Variants in SHISA9 observed in about 807,000 individuals in gnomAD.
SHISA9 encodes the protein shisa family member 9, also known as protein shisa-9.
Under a neutral mutation model 38.0 loss-of-function variants are expected in SHISA9, and 13 were observed. The ratio of observed to expected loss-of-function variants is 0.34; its 90% confidence interval spans 0.22 to 0.54. The LOEUF (loss-of-function observed/expected upper bound fraction) is 0.54, where lower values mean the gene tolerates loss of function less well. Ranked by LOEUF, SHISA9 falls within the 20% of genes least tolerant of loss-of-function variation. SHISA9 has a pLI of 0.91. For synonymous variants in SHISA9, 275 were observed against 242.0 expected (o/e 1.14, Z -1.27); for missense variants, 538 against 575.8 (o/e 0.93, Z 0.67).
chr16:12,903,217 C>G (rs3843708), intron 1 of SHISA9, among the ~76,000 whole-genome samples: 138,100 of 152,240 alleles, frequency 0.91, 62,886 homozygotes, highest in East Asian at 1. Flanking sequence ...AGAGCTTCGC[C>G]GTCCCTGGAT....
At chr16:13,063,234 C>T (rs2073396784) in intron 2 of SHISA9, among the ~76,000 whole-genome samples, 1 of 152,068 alleles carries the variant, frequency 6.6e-6, no homozygotes, top group Non-Finnish European at 1.5e-5. Context: ...TCTTGATCTC[C>T]TGACCTCGTG....
chr16:13,390,195 C>G, the SHISA9 span, among the ~76,000 whole-genome samples: 3 of 151,688 alleles, frequency 2.0e-5, no homozygotes, highest in Non-Finnish European at 4.4e-5. Context: ...TATAAGATAC[C>G]AGGTGCACCA....
At chr16:13,458,584 C>A in the SHISA9 span, 19 of 402,828 alleles carry the variant, frequency 4.7e-5, no homozygotes, top group South Asian at 3.0e-4. Context: ...GAAAGAGATA[C>A]CCAGACTTAG....
At chr16:13,190,393 A>T (rs1482241575) in intron 2 of SHISA9, among the ~76,000 whole-genome samples, 1 of 152,170 alleles carries the variant, frequency 6.6e-6, no homozygotes, top group Non-Finnish European at 1.5e-5. Flanking sequence ...GACGTTAGGG[A>T]TGTTCTGTTT....
the SHISA9 span, among the ~76,000 whole-genome samples, chr16:13,276,276 C>CAT: frequency 3.6e-4 from 55 of 150,872 alleles, no homozygotes; most frequent in Admixed American, 9.9e-4. Flanking sequence ...AGTATTCCAT[C>CAT]ATATATATAT....
rs1195801876 is a variant in SHISA9, at chr16:13,220,289, T to C, written c.895+6989T>C. Among the ~76,000 whole-genome samples the C allele has an allele frequency of 2.6e-5, 4 of 152,270 alleles. No individual in the cohort carries two copies. In the East Asian group the frequency reaches 7.7e-4, roughly 29 times the overall value. On this transcript the variant is annotated intron_variant, in intron 4 of 4. Transcript: ENST00000558583. ...ACTTGGGTGACTTGACTCTGCTCCA[T>C]GTGCCTCATCCTCAAATAAGGCAGC...
intron 2 of SHISA9, among the ~76,000 whole-genome samples, chr16:13,151,653 C>T (rs1482005889): frequency 1.3e-5 from 2 of 152,156 alleles, no homozygotes; most frequent in African/African-American, 2.4e-5. Flanking sequence ...AAACTCTTTA[C>T]AAGCTCTTGA....
intron 2 of SHISA9, 89 bp from the exon 3 acceptor site, chr16:13,203,305 G>C (rs2051024053): frequency 3.1e-6 from 4 of 1,281,780 alleles, no homozygotes; most frequent in Non-Finnish European, 4.0e-6. Context: ...GGTGGGGAGA[G>C]TTTTGGTCTC....
chr16:13,319,141 G>A, the SHISA9 span, among the ~76,000 whole-genome samples: 1 of 152,186 alleles, frequency 6.6e-6, no homozygotes, highest in Non-Finnish European at 1.5e-5. Context: ...CCGAGTAGCT[G>A]GGACTACAGG....
At chr16:13,097,660 T>G (rs2073841082) in intron 2 of SHISA9, among the ~76,000 whole-genome samples, 1 of 152,146 alleles carries the variant, frequency 6.6e-6, no homozygotes, top group Non-Finnish European at 1.5e-5. Flanking sequence ...TGCCTTGGCC[T>G]CCCAAAGTGC....
the SHISA9 span, among the ~76,000 whole-genome samples, chr16:13,414,679 C>T: frequency 1.2e-4 from 15 of 129,360 alleles, no homozygotes; most frequent in African/African-American, 4.3e-4. Context: ...GAGTGTTGCC[C>T]TCTTGCCCAG....
the SHISA9 span, among the ~76,000 whole-genome samples, chr16:13,526,831 T>TG: frequency 6.6e-6 from 1 of 152,192 alleles, no homozygotes; most frequent in Admixed American, 6.5e-5. Flanking sequence ...AACGTAAGTA[T>TG]TTTTAGAGCA....
the SHISA9 span, among the ~76,000 whole-genome samples, chr16:13,286,724 A>ATTT: frequency 6.6e-6 from 1 of 152,218 alleles, no homozygotes; most frequent in Non-Finnish European, 1.5e-5. Flanking sequence ...CTAGGACAGC[A>ATTT]GACATCCATA....
At chr16:13,196,187 G>A (rs2050938778) in intron 2 of SHISA9, among the ~76,000 whole-genome samples, 1 of 149,650 alleles carries the variant, frequency 6.7e-6, no homozygotes, top group Non-Finnish European at 1.5e-5. Context: ...CACGAGGTCA[G>A]GAGATTGAGA....
At chr16:13,260,530 G>A in the SHISA9 span, among the ~76,000 whole-genome samples, 2 of 152,044 alleles carry the variant, frequency 1.3e-5, no homozygotes, top group African/African-American at 4.8e-5. Context: ...ACCAGTCTTT[G>A]CTAAAACATA....
intron 2 of SHISA9, among the ~76,000 whole-genome samples, chr16:13,066,138 T>G (rs1159744018): frequency 6.6e-6 from 1 of 152,178 alleles, no homozygotes; most frequent in Admixed American, 6.5e-5. Context: ...CTTTTCCTCT[T>G]GCTATGGTGA....
At chr16:13,436,893 G>A in the SHISA9 span, among the ~76,000 whole-genome samples, 3 of 152,300 alleles carry the variant, frequency 2.0e-5, no homozygotes, top group East Asian at 1.9e-4. Context: ...GAAGTTTGAC[G>A]GGCTTAATCA....
At chr16:13,234,469 G>T (rs1023006630) in intron 4 of SHISA9, among the ~76,000 whole-genome samples, 1 of 152,184 alleles carries the variant, frequency 6.6e-6, no homozygotes, top group Non-Finnish European at 1.5e-5. Flanking sequence ...CTGCTGGCAG[G>T]TGTCACAGTT....
chr16:13,344,704 A>G, the SHISA9 span, among the ~76,000 whole-genome samples: 1 of 152,306 alleles, frequency 6.6e-6, no homozygotes, highest in Admixed American at 6.5e-5. Flanking sequence ...AATAGATGCT[A>G]TTATTGGTCT....
Sources: gnomAD v4.1 joint callset for allele counts (sites outside exome capture counted in the v4.1 genomes callset) on GRCh38, gnomAD v4.1.1 for gene constraint, MANE v1.5 for transcripts, NCBI Gene and HGNC (gene_info 2026-07-23, HGNC 2026-07-21) for gene names.